MSI2: variants seen among roughly 807,000 people sequenced by gnomAD.
MSI2 encodes musashi RNA binding protein 2.
MSI2 carries 17 observed loss-of-function variants against 45.6 expected under a neutral mutation model. The observed-to-expected ratio is 0.37, with a 90% CI of 0.26 to 0.56. The LOEUF (loss-of-function observed/expected upper bound fraction) is 0.56. MSI2 is among the 20% of genes least tolerant of loss of function. The pLI is 0.77. For missense variants in MSI2, 293 were observed against 444.2 expected, an observed-to-expected ratio of 0.66 and a Z score of 3.06; for synonymous variants, 156 against 158.2, an observed-to-expected ratio of 0.99 and a Z score of 0.11.
intron 5 of MSI2, among the ~76,000 whole-genome samples, chr17:57,322,628 A>G (rs1246653412): frequency 1.3e-5 from 2 of 152,118 alleles, no homozygotes; most frequent in African/African-American, 4.8e-5. Context: ...TCAAACCAGG[A>G]GCTGCATCCC....
At chr17:57,297,928 T>A (rs1450205802) in intron 5 of MSI2, among the ~76,000 whole-genome samples, 2 of 152,236 alleles carry the variant, frequency 1.3e-5, no homozygotes, top group African/African-American at 4.8e-5. Context: ...TGCTTACAGT[T>A]CCCTTGCTCT....
At chr17:57,661,089 C>T (rs1376416989) in intron 11 of MSI2, among the ~76,000 whole-genome samples, 1 of 152,182 alleles carries the variant, frequency 6.6e-6, no homozygotes, top group African/African-American at 2.4e-5. Context: ...TATATAGCTG[C>T]TCAAGAAGCA....
At chr17:57,668,769 C>T (rs930342511) in intron 11 of MSI2, among the ~76,000 whole-genome samples, 1 of 152,242 alleles carries the variant, frequency 6.6e-6, no homozygotes, top group Non-Finnish European at 1.5e-5. Context: ...AATCCCATCA[C>T]ATTGCTCTCT....
chr17:57,433,913 A>G (rs11652887), intron 6 of MSI2, among the ~76,000 whole-genome samples: 33,919 of 152,126 alleles, frequency 0.22, 4,093 homozygotes, highest in South Asian at 0.3. Flanking sequence ...TGGTGGGGAA[A>G]TACAATGTGA....
intron 5 of MSI2, among the ~76,000 whole-genome samples, chr17:57,287,188 C>T (rs1031977175): frequency 3.3e-5 from 5 of 151,364 alleles, no homozygotes; most frequent in South Asian, 2.1e-4. Flanking sequence ...CTGAGGGCCC[C>T]GTGAGCCCAA....
chr17:57,426,191 G>A (rs2084488509), intron 6 of MSI2, among the ~76,000 whole-genome samples: 1 of 152,152 alleles, frequency 6.6e-6, no homozygotes, highest in East Asian at 1.9e-4. Flanking sequence ...AAGTGGATGT[G>A]TTTAGTCGTG....
rs909931032 is a variant in MSI2 at position 57,429,624 on chromosome 17, C to A, written c.405+28153C>A. Among the ~76,000 whole-genome samples, 7 of 152,280 alleles carry A rather than the reference C, an allele frequency of 4.6e-5. No homozygotes were observed. The East Asian group carries it at 1.2e-3, about 25-fold the overall frequency. On this transcript the variant is annotated intron_variant, in intron 6 of 13. Transcript: ENST00000284073. The stretch of plus-strand genomic sequence containing the variant: ...CATGCCTGGACTCCCACCTCCCCAC[C>A]CCTGGTTAGGCTTCCTGGTTGTGGG...
At chr17:57,284,223 G>C (rs4341799) in intron 5 of MSI2, among the ~76,000 whole-genome samples, 1 of 151,784 alleles carries the variant, frequency 6.6e-6, no homozygotes, top group South Asian at 2.1e-4. Flanking sequence ...CCCTCCACCC[G>C]GTCATGGTAG....
At chr17:57,412,011 C>T (rs1053310869) in intron 6 of MSI2, among the ~76,000 whole-genome samples, 5 of 150,888 alleles carry the variant, frequency 3.3e-5, no homozygotes, top group Non-Finnish European at 7.4e-5. Flanking sequence ...CGTCTGGGGG[C>T]GGGGCCGGGG....
rs548906746 is a variant in MSI2 at position 57,516,887 on chromosome 17, G to A, written c.406-12789G>A. ...TGTAACTGTGGCTTCAACTGTACCCGCTGAATTGCTTACAGCCAGTTTGCT... is the reference window on the plus strand; with the variant it reads ...TGTAACTGTGGCTTCAACTGTACCCACTGAATTGCTTACAGCCAGTTTGCT... On this transcript the variant is annotated intron_variant, in intron 6 of 13. Coordinates refer to ENST00000284073, the MANE Select transcript of MSI2 (RefSeq NM_138962.4). 7.2e-5 allele frequency among the ~76,000 whole-genome samples: 11 copies of A among 152,264 alleles called. No individual in the cohort carries two copies. In the East Asian group the frequency reaches 9.6e-4, roughly 13 times the overall value.
At chr17:57,408,034 A>G (rs2084116607) in intron 6 of MSI2, among the ~76,000 whole-genome samples, 1 of 152,168 alleles carries the variant, frequency 6.6e-6, no homozygotes, top group African/African-American at 2.4e-5. Context: ...CATGAGTAAT[A>G]TGATCCTGGG....
chr17:57,410,008 C>CAAAAAAAAAAAAAAAAAAAAAAAAAAAAA (rs59098048), intron 6 of MSI2, among the ~76,000 whole-genome samples: 8 of 61,662 alleles, frequency 1.3e-4, no homozygotes, highest in African/African-American at 2.4e-4. Flanking sequence ...ACTCTGTCTC[C>CAAAAAAAAAAAAAAAAAAAAAAAAAAAAA]AAAAAAAAAA....
At chr17:57,543,187 G>A (rs1425261647) in intron 7 of MSI2, among the ~76,000 whole-genome samples, 1 of 152,190 alleles carries the variant, frequency 6.6e-6, no homozygotes, top group African/African-American at 2.4e-5. Context: ...GGGCCTTGGA[G>A]ACCTAAAGAA....
intron 5 of MSI2, among the ~76,000 whole-genome samples, chr17:57,326,649 G>A (rs1913817729): frequency 2.0e-5 from 3 of 152,228 alleles, no homozygotes; most frequent in South Asian, 4.1e-4. Context: ...AGCTCTCACT[G>A]TGTGTCAGGC....
intron 6 of MSI2, among the ~76,000 whole-genome samples, chr17:57,473,342 A>G (rs1381916705): frequency 1.3e-5 from 2 of 152,178 alleles, no homozygotes; most frequent in Non-Finnish European, 2.9e-5. Context: ...AGGTCCCCCC[A>G]CACGGATGTA....
intron 5 of MSI2, among the ~76,000 whole-genome samples, chr17:57,380,331 GGGC>G (rs1311031867): frequency 6.6e-6 from 1 of 152,170 alleles, no homozygotes; most frequent in Non-Finnish European, 1.5e-5. Context: ...AACCCACAGC[GGGC>G]GGCCTGGGCA....
chr17:57,558,479 C>T (rs2087492902), intron 7 of MSI2, among the ~76,000 whole-genome samples: 1 of 152,120 alleles, frequency 6.6e-6, no homozygotes, highest in South Asian at 2.1e-4. Flanking sequence ...CCTGATGACA[C>T]CCAGCGTGTT....
rs767475240 is a variant in MSI2 at position 57,611,070 on chromosome 17, C to T, written c.538-4900C>T. Among the ~76,000 whole-genome samples, 66 of 94,926 alleles carry T rather than the reference C, an allele frequency of 7.0e-4. 24 individuals are homozygous for T. Among genetic ancestry groups the T allele is most frequent in the Non-Finnish European group, 1.4e-3 (57 of 39,676 alleles). 62.3% of individuals were successfully genotyped at this position (94,926 alleles called of 152,430 possible). On this transcript the variant is annotated intron_variant, in intron 8 of 13. Transcript: ENST00000284073. ...CTTACAAGTGCTCAGTCAGATGGAA[C>T]ATCTCACTGCATTTCTTGCCCCTTG...
Position 57,652,492 on chromosome 17 carries a change from C to T in MSI2, c.790+331C>T, listed in dbSNP as rs1212736329. The stretch of plus-strand genomic sequence containing the variant: ...TAGCTTCGGGTACCTGTGGTCATTT[C>T]CCTCCTTGGCTTTTGCTAATTCAAC... On this transcript the variant is annotated intron_variant, in intron 11 of 13. Coordinates refer to ENST00000284073, the MANE Select transcript of MSI2 (RefSeq NM_138962.4). This position sits in a 1 kb window ranked among gnomAD's most constrained non-coding sequence, Gnocchi z 4.1. Among the ~76,000 whole-genome samples the T allele has an allele frequency of 6.6e-6, 1 of 152,134 alleles. No homozygotes were observed. The highest frequency in any genetic ancestry group is 2.4e-5 in the African/African-American group (1 of 41,424).
Sources: gnomAD v4.1 joint callset for allele counts (sites outside exome capture counted in the v4.1 genomes callset) on GRCh38, gnomAD v4.1.1 for gene constraint, Gnocchi (gnomAD v3.1) non-coding constraint, MANE v1.5 for transcripts, NCBI Gene and HGNC (gene_info 2026-07-23, HGNC 2026-07-21) for gene names.